The following COLEC12 variants were observed in gnomAD, a reference collection of about 807,000 sequenced individuals.
COLEC12 encodes collectin subfamily member 12.
COLEC12 carries 33 observed loss-of-function variants against 71.1 expected under a neutral mutation model. That is an observed-to-expected ratio of 0.46 (90% confidence interval 0.35 to 0.62). The LOEUF is 0.62. COLEC12 is among the 20% of genes least tolerant of loss of function. The pLI is 0.00. For missense variants in COLEC12, 765 were observed against 916.1 expected, an observed-to-expected ratio of 0.84 and a Z score of 2.13; for synonymous variants, 350 against 353.0, an observed-to-expected ratio of 0.99 and a Z score of 0.10.
At chr18:438,709 G>A (rs1916453210) in intron 2 of COLEC12, among the ~76,000 whole-genome samples, 1 of 151,648 alleles carries the variant, frequency 6.6e-6, no homozygotes, top group African/African-American at 2.4e-5. Context: ...TACTTGGGAA[G>A]CTGAGAAGGG....
chr18:494,710 C>T (rs1340515990), intron 1 of COLEC12, among the ~76,000 whole-genome samples: 1 of 152,198 alleles, frequency 6.6e-6, no homozygotes, highest in Non-Finnish European at 1.5e-5. Context: ...GTTTTATAAA[C>T]ATCAGCTAGT....
chr18:334,861 C>A lies in COLEC12; in HGVS notation c.1697G>T (p.Gly566Val). Reference sequence around the variant, plus strand: ...TGGCATGCCTGGTACCCCAGGCAAGCCTGGCAGTCCCCGAGGTCCAGGCAC... The same window carrying A: ...TGGCATGCCTGGTACCCCAGGCAAGACTGGCAGTCCCCGAGGTCCAGGCAC... ...PGVPGPRGLP[G>V]LPGVPGMPGP... Residue 566 changes from glycine (G) to valine (V), a missense_variant, in exon 6 of 10, where the codon GGC becomes GTC. Coordinates refer to ENST00000400256, the MANE Select transcript of COLEC12 (RefSeq NM_130386.3). The A allele has an allele frequency of 6.6e-7, 1 of 1,525,120 alleles. No individual in the cohort carries two copies. The highest frequency in any genetic ancestry group is 8.7e-7 in the Non-Finnish European group (1 of 1,146,638). 94.5% of individuals were successfully genotyped at this position (1,525,120 alleles called of 1,614,324 possible).
intron 2 of COLEC12, among the ~76,000 whole-genome samples, chr18:371,505 GGGTGCA>G (rs147138965): frequency 0.16 from 23,914 of 152,004 alleles, 2,270 homozygotes; most frequent in South Asian, 0.24. Flanking sequence ...GAGGGCCCTG[GGGTGCA>G]GGGAGGACCC....
chr18:334,435 C>T (rs1363566609), intron 6 of COLEC12: 1 of 187,474 alleles, frequency 5.3e-6, no homozygotes, highest in East Asian at 1.2e-4. Context: ...TGAGACCAGC[C>T]TGGCCAACAC....
intron 2 of COLEC12, among the ~76,000 whole-genome samples, chr18:377,650 T>C (rs909600564): frequency 6.6e-6 from 1 of 152,258 alleles, no homozygotes; most frequent in African/African-American, 2.4e-5. Flanking sequence ...TGGACCCTGC[T>C]GCACTGGAGG....
At chr18:355,039 C>CCATCCATG (rs1321556423) in intron 3 of COLEC12, among the ~76,000 whole-genome samples, 7 of 148,696 alleles carry the variant, frequency 4.7e-5, no homozygotes, top group Admixed American at 4.0e-4. Flanking sequence ...ATCCATCAAT[C>CCATCCATG]CATCCATGCA....
intron 2 of COLEC12, among the ~76,000 whole-genome samples, chr18:404,467 C>T (rs1304371996): frequency 6.6e-6 from 1 of 152,088 alleles, no homozygotes; most frequent in African/African-American, 2.4e-5. Context: ...ACTTGTGTTA[C>T]TGAATAAAGC....
chr18:431,461 T>C (rs1344101600), intron 2 of COLEC12, among the ~76,000 whole-genome samples: 3 of 152,206 alleles, frequency 2.0e-5, no homozygotes, highest in African/African-American at 7.2e-5. Context: ...GAGACCCAAC[T>C]GGTTATCAAT....
At chr18:323,211 G>C (rs761564079) in intron 8 of COLEC12, among the ~76,000 whole-genome samples, 1 of 152,180 alleles carries the variant, frequency 6.6e-6, no homozygotes, top group African/African-American at 2.4e-5. Flanking sequence ...GGGTGACAGA[G>C]CGAGGCTCCA....
intron 2 of COLEC12, among the ~76,000 whole-genome samples, chr18:425,601 A>G (rs1916185248): frequency 6.6e-6 from 1 of 152,128 alleles, no homozygotes; most frequent in Non-Finnish European, 1.5e-5. Flanking sequence ...GGTGGGGGAG[A>G]ATAAAATACA....
intron 2 of COLEC12, among the ~76,000 whole-genome samples, chr18:380,113 G>A (rs1233578666): frequency 3.3e-5 from 5 of 152,108 alleles, no homozygotes; most frequent in Non-Finnish European, 7.4e-5. Flanking sequence ...AAATTTTTCA[G>A]TAGTTTCCCT....
intron 1 of COLEC12, among the ~76,000 whole-genome samples, chr18:482,399 C>T (rs1346963686): frequency 7.9e-5 from 12 of 151,934 alleles, no homozygotes; most frequent in Admixed American, 7.9e-4. Flanking sequence ...CAGGCATGAG[C>T]CACCGTGCCC....
At chr18:398,790 G>A (rs755012816) in intron 2 of COLEC12, among the ~76,000 whole-genome samples, 2 of 152,216 alleles carry the variant, frequency 1.3e-5, no homozygotes, top group Non-Finnish European at 2.9e-5. Flanking sequence ...CTGAAGACAT[G>A]TACTGAGGAA....
At chr18:456,565 G>A (rs138540064) in intron 2 of COLEC12, among the ~76,000 whole-genome samples, 1 of 152,170 alleles carries the variant, frequency 6.6e-6, no homozygotes, top group Non-Finnish European at 1.5e-5. Flanking sequence ...CACTTCACTA[G>A]AGCCTTCCCA....
chr18:353,122 T>C (rs1468086150), intron 3 of COLEC12, among the ~76,000 whole-genome samples: 1 of 152,132 alleles, frequency 6.6e-6, no homozygotes, highest in Non-Finnish European at 1.5e-5. Flanking sequence ...GCCACTAACT[T>C]CTTCTTCCCT....
At chr18:394,882 C>T (rs1048952133) in intron 2 of COLEC12, among the ~76,000 whole-genome samples, 3 of 152,140 alleles carry the variant, frequency 2.0e-5, no homozygotes, top group Admixed American at 6.5e-5. Flanking sequence ...GGAGAATACA[C>T]CAGTCCACTT....
In COLEC12 at chr18:446,569, T is replaced by G. The variant is rs34324202; in HGVS notation, c.58+34138A>C. Among the ~76,000 whole-genome samples the G allele has an allele frequency of 8.8e-3, 1,219 of 138,632 alleles. 22 individuals carry two copies. The highest frequency in any genetic ancestry group is 0.031 in the African/African-American group (1,181 of 37,796). 90.9% of individuals were successfully genotyped at this position (138,632 alleles called of 152,430 possible). On this transcript the variant is annotated intron_variant, in intron 2 of 9. Transcript: ENST00000400256. Reference sequence around the variant, plus strand: ...AAAAAAAAAAATTTTTTTTTTTTTTTGTTTAAGTAGCCAGGCATGGGAGCA... The same window carrying G: ...AAAAAAAAAAATTTTTTTTTTTTTTGGTTTAAGTAGCCAGGCATGGGAGCA...
chr18:320,297 TA>T (rs1178330130), intron 9 of COLEC12, among the ~76,000 whole-genome samples: 1 of 152,234 alleles, frequency 6.6e-6, no homozygotes, highest in East Asian at 1.9e-4. Context: ...GCCTGGTCCC[TA>T]CTCAAATCCC....
chr18:488,891 A>AG (rs397706896), intron 1 of COLEC12, among the ~76,000 whole-genome samples: 1 of 149,232 alleles, frequency 6.7e-6, no homozygotes, highest in Non-Finnish European at 1.5e-5. Context: ...GAAAAAAAAA[A>AG]GAAAAGAAAA....
Sources: allele counts gnomAD v4.1 joint callset (sites outside exome capture counted in the v4.1 genomes callset), GRCh38; gene constraint gnomAD v4.1.1; transcripts MANE v1.5; gene names NCBI Gene and HGNC (gene_info 2026-07-23, HGNC 2026-07-21).